The following EYS variants were observed in gnomAD, a reference collection of about 807,000 sequenced individuals.
The protein encoded by EYS is protein eyes shut homolog.
EYS carries 250 observed loss-of-function variants against 282.1 expected under a neutral mutation model. The ratio of observed to expected loss-of-function variants is 0.89; its 90% confidence interval spans 0.80 to 0.98. EYS has a LOEUF of 0.98. Among genes scored for constraint, EYS ranks in the 50% least tolerant of loss-of-function variants. EYS has a pLI of 0.00. For missense variants in EYS, 4,016 were observed against 3,709.0 expected, an observed-to-expected ratio of 1.08 and a Z score of -2.15; for synonymous variants, 1,355 against 1,282.9, an observed-to-expected ratio of 1.06 and a Z score of -1.20.
At chr6:65,419,967 T>TG (rs1264875661) in intron 5 of EYS, among the ~76,000 whole-genome samples, 1 of 152,028 alleles carries the variant, frequency 6.6e-6, no homozygotes, top group African/African-American at 2.4e-5. Context: ...TGCCTTAATT[T>TG]GCAAATACTC....
chr6:64,167,706 A>C (rs1303909834), intron 31 of EYS, among the ~76,000 whole-genome samples: 1 of 152,208 alleles, frequency 6.6e-6, no homozygotes, highest in Non-Finnish European at 1.5e-5. Flanking sequence ...GATATATTAA[A>C]AATTATATTA....
chr6:64,949,477 T>A (rs1769405978), intron 14 of EYS, among the ~76,000 whole-genome samples: 1 of 151,964 alleles, frequency 6.6e-6, no homozygotes, highest in Admixed American at 6.6e-5. Context: ...TCTCACAGCA[T>A]GCCAGTTTGT....
At chr6:65,223,949 A>T (rs1205140418) in intron 12 of EYS, among the ~76,000 whole-genome samples, 2 of 152,158 alleles carry the variant, frequency 1.3e-5, no homozygotes, top group South Asian at 2.1e-4. Context: ...TGTAAGTAAT[A>T]CATTCACTTA....
At chr6:64,196,620 C>T (rs899996765) in intron 31 of EYS, among the ~76,000 whole-genome samples, 1 of 151,930 alleles carries the variant, frequency 6.6e-6, no homozygotes, top group African/African-American at 2.4e-5. Flanking sequence ...TGGAAATCAT[C>T]ATTCTCAGTA....
chr6:64,466,162 T>A (rs1397872064), intron 26 of EYS, among the ~76,000 whole-genome samples: 1 of 151,970 alleles, frequency 6.6e-6, no homozygotes. Flanking sequence ...GGATATAAAT[T>A]AGAACAGCCA....
At chr6:65,223,635 C>A (rs1307462831) in intron 12 of EYS, among the ~76,000 whole-genome samples, 1 of 152,080 alleles carries the variant, frequency 6.6e-6, no homozygotes, top group African/African-American at 2.4e-5. Flanking sequence ...AGAATATTGC[C>A]TAGAAGTATT....
At chr6:65,445,474 G>T (rs940293182) in intron 5 of EYS, among the ~76,000 whole-genome samples, 1 of 151,374 alleles carries the variant, frequency 6.6e-6, no homozygotes, top group Non-Finnish European at 1.5e-5. Context: ...AATTAAATTT[G>T]CCTGCTAATT....
intron 12 of EYS, among the ~76,000 whole-genome samples, chr6:65,110,375 T>C (rs1337084780): frequency 6.6e-6 from 1 of 152,072 alleles, no homozygotes; most frequent in Non-Finnish European, 1.5e-5. Flanking sequence ...TGTAAGCAAA[T>C]AAATTATAAA....
intron 22 of EYS, among the ~76,000 whole-genome samples, chr6:64,752,452 C>A (rs1399051841): frequency 1.3e-5 from 2 of 151,588 alleles, no homozygotes; most frequent in African/African-American, 2.4e-5. Context: ...ACCAGTCAGA[C>A]AAAAATAAAG....
chr6:64,599,818 G>A (rs1160564401), intron 24 of EYS, among the ~76,000 whole-genome samples: 1 of 152,006 alleles, frequency 6.6e-6, no homozygotes, highest in African/African-American at 2.4e-5. Flanking sequence ...ATGAAACATC[G>A]TCAAGATTTG....
intron 12 of EYS, among the ~76,000 whole-genome samples, chr6:65,232,574 A>G (rs1326628096): frequency 1.3e-5 from 2 of 152,098 alleles, no homozygotes; most frequent in Non-Finnish European, 2.9e-5. Flanking sequence ...CCGAGTTCCC[A>G]TATACCCCTC....
At chr6:64,197,320 C>T (rs1291059583) in intron 31 of EYS, among the ~76,000 whole-genome samples, 1 of 152,016 alleles carries the variant, frequency 6.6e-6, no homozygotes, top group Non-Finnish European at 1.5e-5. Context: ...TACTTTTAGC[C>T]ATGGGATTTC....
chr6:64,096,312 G>C (rs1345870559), intron 31 of EYS, among the ~76,000 whole-genome samples: 1 of 152,078 alleles, frequency 6.6e-6, no homozygotes, highest in East Asian at 1.9e-4. Context: ...TGCTAGATTG[G>C]GGAAGTTCTC....
At chr6:64,192,279 T>G (rs1170993187) in intron 31 of EYS, among the ~76,000 whole-genome samples, 1 of 152,100 alleles carries the variant, frequency 6.6e-6, no homozygotes, top group East Asian at 1.9e-4. Flanking sequence ...TTTTGTGGGT[T>G]GCTTGTTCAC....
At chr6:63,827,506 C>T (rs1771502453) in intron 36 of EYS, among the ~76,000 whole-genome samples, 1 of 152,136 alleles carries the variant, frequency 6.6e-6, no homozygotes, top group Non-Finnish European at 1.5e-5. Flanking sequence ...CCAGGAAAGA[C>T]CATATGATAG....
At chr6:64,873,693 T>C (rs756558581) in intron 19 of EYS, among the ~76,000 whole-genome samples, 2 of 151,750 alleles carry the variant, frequency 1.3e-5, no homozygotes, top group Non-Finnish European at 2.9e-5. Context: ...TTTAACATTC[T>C]CATTACAAAA....
intron 12 of EYS, among the ~76,000 whole-genome samples, chr6:65,093,324 T>C (rs12201903): frequency 0.041 from 6,163 of 151,898 alleles, 189 homozygotes; most frequent in South Asian, 0.065. Flanking sequence ...AACAGCAAAA[T>C]GAAAGTATAA....
intron 31 of EYS, among the ~76,000 whole-genome samples, chr6:64,155,380 A>G (rs1438003171): frequency 2.7e-5 from 4 of 149,630 alleles, no homozygotes; most frequent in Admixed American, 2.7e-4. Flanking sequence ...GCCTGGTGTG[A>G]CTGATTAAAG....
intron 33 of EYS, among the ~76,000 whole-genome samples, chr6:64,038,823 G>C (rs1239748837): frequency 7.2e-6 from 1 of 138,926 alleles, no homozygotes; most frequent in Non-Finnish European, 1.5e-5. Context: ...TTTTTTTCTT[G>C]AGACGGAGTC....
Sources: gnomAD v4.1 joint callset for allele counts (sites outside exome capture counted in the v4.1 genomes callset) on GRCh38, gnomAD v4.1.1 for gene constraint, MANE v1.5 for transcripts, NCBI Gene and HGNC (gene_info 2026-07-23, HGNC 2026-07-21) for gene names.